The following DDX6 variants were observed in gnomAD, a reference collection of about 807,000 sequenced individuals.
The protein encoded by DDX6 is DEAD-box helicase 6.
Under a neutral mutation model 60.6 loss-of-function variants are expected in DDX6, and 7 were observed. That is an observed-to-expected ratio of 0.12 (90% CI 0.07 to 0.22). The LOEUF (loss-of-function observed/expected upper bound fraction) is 0.22, where lower values mean the gene tolerates loss of function less well. DDX6 is among the 10% of genes least tolerant of loss of function. The pLI is 1.00. For synonymous variants in DDX6, 207 were observed against 201.0 expected, an observed-to-expected ratio of 1.03 and a Z score of -0.25; for missense variants, 270 against 589.9, an observed-to-expected ratio of 0.46 and a Z score of 5.62.
chr11:118,781,795 G>C (rs1413129729), intron 2 of DDX6, among the ~76,000 whole-genome samples: 2 of 151,932 alleles, frequency 1.3e-5, no homozygotes, highest in East Asian at 1.9e-4. Context: ...AGGCATGGTG[G>C]GACACAACTG....
rs1250216999 is a variant in DDX6, at chr11:118,750,274, G to A, written c.*1831C>T. ...GGAATTAAAAACATTAAAAAAAAAA[G>A]TTCACTGGTTTTGATTCATCTCACT... On this transcript the variant is annotated 3_prime_UTR_variant, in exon 14 of 14. Transcript: ENST00000534980. 33 of 151,474 alleles carry A rather than the reference G, an allele frequency of 2.2e-4. No individual in the cohort carries two copies. The highest frequency in any genetic ancestry group is 7.8e-4 in the African/African-American group (32 of 41,034). 9.4% of individuals were successfully genotyped at this position (151,474 alleles called of 1,614,324 possible). A position where few individuals can be genotyped will look rare whatever the true frequency, so the allele number is the denominator to read the frequency against.
intron 3 of DDX6, 36 bp downstream of exon 3, chr11:118,781,085 C>A: frequency 7.0e-7 from 1 of 1,425,890 alleles, no homozygotes; most frequent in East Asian, 2.3e-5. Flanking sequence ...TCTAGTTCCC[C>A]ACCATTATTC....
At chr11:118,761,421 A>T (rs1377508347) in intron 7 of DDX6, among the ~76,000 whole-genome samples, 1 of 152,182 alleles carries the variant, frequency 6.6e-6, no homozygotes, top group East Asian at 1.9e-4. Flanking sequence ...GTTTGAGACC[A>T]GCCTGACCAA....
At chr11:118,789,820 C>T (rs1231395454) in intron 1 of DDX6, 2 of 152,140 alleles carry the variant, frequency 1.3e-5, no homozygotes, top group Non-Finnish European at 2.9e-5. Flanking sequence ...GATAACTGCT[C>T]CCTTCTTAAA....
In DDX6 at chr11:118,749,018, C is replaced by T. The variant is rs1456810348; in HGVS notation, c.*3087G>A. The stretch of plus-strand genomic sequence containing the variant: ...GAGGTATATTTAGGTTTCCCTCTCT[C>T]TTACTTCTGTGAAAGATCATTTTAG... On this transcript the variant is annotated 3_prime_UTR_variant, in exon 14 of 14. Transcript: ENST00000534980. The T allele has an allele frequency of 2.0e-5, 3 of 152,166 alleles. No homozygotes were observed. The highest frequency in any genetic ancestry group is 4.4e-5 in the Non-Finnish European group (3 of 68,024). 9.4% of individuals were successfully genotyped at this position (152,166 alleles called of 1,614,324 possible). A position where few individuals can be genotyped will look rare whatever the true frequency, so the allele number is the denominator to read the frequency against.
At chr11:118,785,888 T>C (rs1028468898) in intron 2 of DDX6, 164 bp downstream of exon 2, 7 of 572,832 alleles carry the variant, frequency 1.2e-5, no homozygotes, top group Admixed American at 1.1e-4. Flanking sequence ...GGCAGAAATA[T>C]ATTATTCTAT....
chr11:118,786,563 A>T (rs918599311), intron 1 of DDX6, 45 bp from the exon 2 acceptor site: 1 of 239,380 alleles, frequency 4.2e-6, no homozygotes, highest in African/African-American at 2.2e-5. Flanking sequence ...CAACAGAAAA[A>T]CTTTGTTTCC....
intron 11 of DDX6, 78 bp downstream of exon 11, chr11:118,756,182 A>C (rs1185900525): frequency 9.0e-7 from 1 of 1,112,896 alleles, no homozygotes; most frequent in African/African-American, 1.5e-5. Context: ...CACAGGTTGC[A>C]CTATGTAATA....
rs202239128 is a variant in DDX6 at position 118,763,236 on chromosome 11, A to G, written c.717T>C (p.His239=). The part of the protein sequence containing the change: ...LIKKGVAKVD[H]VQMIVLDEAD... Reference sequence around the variant, plus strand: ...CCTCATCCAATACTATCATCTGGACATGATCAACCTTTGCTACTCCTTTCT... The same window carrying G: ...CCTCATCCAATACTATCATCTGGACGTGATCAACCTTTGCTACTCCTTTCT... Residue 239 remains histidine, a synonymous_variant, in exon 7 of 14, where the codon CAT becomes CAC. Coordinates refer to ENST00000534980, the MANE Select transcript of DDX6 (RefSeq NM_004397.6). The G allele has an allele frequency of 1.9e-6, 3 of 1,609,936 alleles. No homozygotes were observed. Among genetic ancestry groups the G allele is most frequent in the Admixed American group, 1.7e-5 (1 of 59,286 alleles).
intron 2 of DDX6, among the ~76,000 whole-genome samples, chr11:118,783,323 C>T (rs1387811716): frequency 6.6e-6 from 1 of 152,204 alleles, no homozygotes; most frequent in Non-Finnish European, 1.5e-5. Flanking sequence ...GTCACCCAGG[C>T]TTGAGTGCAG....
intron 4 of DDX6, among the ~76,000 whole-genome samples, chr11:118,778,790 TA>T (rs1861788073): frequency 6.6e-6 from 1 of 152,086 alleles, no homozygotes; most frequent in Admixed American, 6.5e-5. Flanking sequence ...GAGAAGGCCA[TA>T]ATGTGATTTC....
chr11:118,784,390 A>G (rs1157891262), intron 2 of DDX6, among the ~76,000 whole-genome samples: 2 of 151,936 alleles, frequency 1.3e-5, no homozygotes, highest in African/African-American at 4.8e-5. Flanking sequence ...AATAAAACAT[A>G]TACCTCAGTT....
chr11:118,778,166 A>C (rs1861768491), intron 4 of DDX6, among the ~76,000 whole-genome samples: 1 of 152,182 alleles, frequency 6.6e-6, no homozygotes, highest in African/African-American at 2.4e-5. Context: ...ATCATAACCC[A>C]TCAGAGCAGA....
At chr11:118,762,367 T>A (rs1278836210) in intron 7 of DDX6, among the ~76,000 whole-genome samples, 2 of 151,570 alleles carry the variant, frequency 1.3e-5, no homozygotes, top group African/African-American at 2.4e-5. Flanking sequence ...TCACTATAGA[T>A]CCTCCTTGAC....
At chr11:118,764,394 C>G (rs2137457073) in intron 6 of DDX6, among the ~76,000 whole-genome samples, 1 of 152,228 alleles carries the variant, frequency 6.6e-6, no homozygotes, top group Non-Finnish European at 1.5e-5. Flanking sequence ...TTTAGTTAGC[C>G]AATCTCCTTC....
intron 4 of DDX6, among the ~76,000 whole-genome samples, chr11:118,778,566 T>C (rs1260715015): frequency 6.6e-6 from 1 of 152,174 alleles, no homozygotes; most frequent in African/African-American, 2.4e-5. Flanking sequence ...TGAACATCTA[T>C]CTTACTGGGT....
At chr11:118,763,389 A>G (rs1192000319) in intron 6 of DDX6, 83 bp from the exon 7 acceptor site, 43 of 1,035,002 alleles carry the variant, frequency 4.2e-5, no homozygotes, top group Non-Finnish European at 4.9e-5. Context: ...TACAGTCCTG[A>G]GCTGCTTAAT....
Position 118,750,729 on chromosome 11 carries a change from T to C in DDX6, c.*1376A>G, listed in dbSNP as rs1555157016. The C allele has an allele frequency of 6.6e-6, 1 of 152,158 alleles. No homozygotes were observed. Among genetic ancestry groups the C allele is most frequent in the Non-Finnish European group, 1.5e-5 (1 of 68,028 alleles). 9.4% of individuals were successfully genotyped at this position (152,158 alleles called of 1,614,324 possible). A position where few individuals can be genotyped will look rare whatever the true frequency, so the allele number is the denominator to read the frequency against. ...GCCCCCTGTTGCAGAGCTTGAAATATTCCTCAAACTTTTAGAAAGGGGGAA... is the reference window on the plus strand; with the variant it reads ...GCCCCCTGTTGCAGAGCTTGAAATACTCCTCAAACTTTTAGAAAGGGGGAA... On this transcript the variant is annotated 3_prime_UTR_variant, in exon 14 of 14. Transcript: ENST00000534980.
Position 118,752,007 on chromosome 11 carries a change from A to G in DDX6, c.*98T>C, listed in dbSNP as rs553044205. 51 of 320,662 alleles carry G rather than the reference A, an allele frequency of 1.6e-4. No homozygotes were observed. Among genetic ancestry groups the G allele is most frequent in the African/African-American group, 1.0e-3 (45 of 44,484 alleles). The allele number at this position is 320,662 out of a possible 1,614,324, so 19.9% of individuals were successfully genotyped here. On this transcript the variant is annotated 3_prime_UTR_variant, in exon 14 of 14. Transcript: ENST00000534980. ...CTCTTTTAAGTCTTCATAGTTCCAA[A>G]ATAAAAGATGAAAAACCCACAAAGA...
Sources: gnomAD v4.1 joint callset for allele counts (sites outside exome capture counted in the v4.1 genomes callset) on GRCh38, gnomAD v4.1.1 for gene constraint, MANE v1.5 for transcripts, NCBI Gene and HGNC (gene_info 2026-07-23, HGNC 2026-07-21) for gene names.